The following ORC1 variants were observed in gnomAD, a reference collection of about 807,000 sequenced individuals.
The protein encoded by ORC1 is origin recognition complex subunit 1, also known as origin recognition complex, subunit 1 homolog.
Under a neutral mutation model 98.9 loss-of-function variants are expected in ORC1, and 61 were observed. The ratio of observed to expected loss-of-function variants is 0.62; its 90% CI spans 0.50 to 0.76. The LOEUF is 0.76. Among genes scored for constraint, ORC1 ranks in the 30% least tolerant of loss-of-function variants. The pLI is 0.00. For synonymous variants in ORC1, 385 were observed against 406.9 expected, an observed-to-expected ratio of 0.95 and a Z score of 0.65; for missense variants, 979 against 1,072.2, an observed-to-expected ratio of 0.91 and a Z score of 1.21.
In ORC1 at chr1:52,382,720, C is replaced by G. The variant is rs562289515; in HGVS notation, c.2013+700G>C. 1.3e-4 allele frequency among the ~76,000 whole-genome samples: 19 copies of G among 151,768 alleles called. No homozygotes were observed. In the East Asian group the frequency reaches 3.5e-3, roughly 28 times the overall value. ...TCAGCCTCCCGAGTAGCTGGGATTA[C>G]AGGCATGCGTCACCACACCTGGCTA... On this transcript the variant is annotated intron_variant, in intron 13 of 16. Coordinates refer to ENST00000371568, the MANE Select transcript of ORC1 (RefSeq NM_004153.4).
upstream of ORC1, chr1:52,408,917 A>G (rs1648073443): frequency 4.7e-6 from 2 of 428,048 alleles, no homozygotes; most frequent in Non-Finnish European, 8.4e-6. Context: ...TTCCAAGTGC[A>G]TCTTATGTTA....
intron 11 of ORC1, 79 bp from the exon 12 acceptor site, chr1:52,384,016 G>A (rs999500576): frequency 5.1e-6 from 6 of 1,181,854 alleles, no homozygotes; most frequent in Non-Finnish European, 7.6e-6. Context: ...TGCAAATGGA[G>A]GGAGGCATTT....
chr1:52,407,608 T>C (rs187220112), upstream of ORC1, among the ~76,000 whole-genome samples: 1 of 152,354 alleles, frequency 6.6e-6, no homozygotes, highest in East Asian at 1.9e-4. Context: ...TTATTAAATA[T>C]ATCTTCTTTC....
intron 8 of ORC1, 146 bp from the exon 9 acceptor site, chr1:52,386,095 C>CCA (rs1647139901): frequency 1.4e-6 from 1 of 708,870 alleles, no homozygotes; most frequent in Non-Finnish European, 2.6e-6. Context: ...AGGACCATGA[C>CCA]TCTCCCTCTC....
At position 52,373,321 on chromosome 1, in the gene ORC1, T is replaced by G; in HGVS notation, c.2446A>C (p.Met816Leu). 14 of 1,614,142 alleles carry G rather than the reference T, an allele frequency of 8.7e-6. No individual in the cohort carries two copies. Among genetic ancestry groups the G allele is most frequent in the Non-Finnish European group, 1.2e-5 (14 of 1,180,012 alleles). The change falls in exon 17 of 17, where the codon ATG becomes CTG. Residue 816 changes from methionine to leucine, a missense_variant. Met to Leu is a conservative substitution (Grantham distance 15). Coordinates refer to ENST00000371568, the MANE Select transcript of ORC1 (RefSeq NM_004153.4). ...CRMEGLPYPT[M>L]SETMAVCSHL... ...GAACACACGGCCATGGTCTCTGACA[T>G]GGTGGGGTACGGCAGTCCCTCCATT...
At chr1:52,375,999 A>G (rs1646990808) in intron 14 of ORC1, among the ~76,000 whole-genome samples, 1 of 152,190 alleles carries the variant, frequency 6.6e-6, no homozygotes, top group Non-Finnish European at 1.5e-5. Context: ...CTGGAGATAA[A>G]GCCATAGCCA....
At chr1:52,383,274 C>T (rs1647095572) in intron 13 of ORC1, 146 bp downstream of exon 13, 4 of 846,242 alleles carry the variant, frequency 4.7e-6, no homozygotes, top group African/African-American at 1.7e-5. Flanking sequence ...GTCTTGAACT[C>T]CTGACCTCAA....
At chr1:52,391,338 T>C (rs1311768059) in intron 6 of ORC1, among the ~76,000 whole-genome samples, 1 of 145,812 alleles carries the variant, frequency 6.9e-6, no homozygotes, top group African/African-American at 2.5e-5. Flanking sequence ...AAAATCTAGA[T>C]GATAACATTG....
At chr1:52,400,037 C>T (rs1647629649) in intron 3 of ORC1, among the ~76,000 whole-genome samples, 1 of 152,178 alleles carries the variant, frequency 6.6e-6, no homozygotes, top group African/African-American at 2.4e-5. Flanking sequence ...CAATGGAGCA[C>T]CAAGAGAGGA....
Position 52,384,557 on chromosome 1 carries a change from A to C in ORC1, c.1748T>G (p.Ile583Ser). Reference sequence around the variant, plus strand: ...CTAAACAGCTCTGCTTACCTGCAAGATTTGCACATAGACTTGGTGGGGCTC... The same window carrying C: ...CTAAACAGCTCTGCTTACCTGCAAGCTTTGCACATAGACTTGGTGGGGCTC... The part of the protein sequence containing the change: ...LTEPHQVYVQ[I>S]LQKLTGQKAT... The change falls in exon 11 of 17, where the codon ATC becomes AGC. Residue 583 changes from isoleucine (I) to serine (S), a missense_variant. By Grantham distance (142) the Ile-to-Ser change is moderately radical (BLOSUM62 -2). Transcript: ENST00000371568. 6.2e-7 allele frequency: 1 copy of C among 1,614,076 alleles called. No homozygotes were observed.
At position 52,373,247 on chromosome 1, in the gene ORC1, A is replaced by G. The variant is rs1031380978; in HGVS notation, c.2520T>C (p.Asp840=). 1.2e-6 allele frequency: 2 copies of G among 1,614,104 alleles called. No individual in the cohort carries two copies. Among genetic ancestry groups the G allele is most frequent in the African/African-American group, 1.3e-5 (1 of 74,944 alleles). The part of the protein sequence containing the change: ...RLLLVEPSRN[D]LLLRVRLNVS... Reference sequence around the variant, plus strand: ...CGTTGAGCCGCACCCGAAGGAGCAGATCGTTCCTGCTGGGCTCCACAAGCA... The same window carrying G: ...CGTTGAGCCGCACCCGAAGGAGCAGGTCGTTCCTGCTGGGCTCCACAAGCA... The change falls in exon 17 of 17, where the codon GAT becomes GAC. Residue 840 remains aspartate, a synonymous_variant. Coordinates refer to ENST00000371568, the MANE Select transcript of ORC1 (RefSeq NM_004153.4).
At chr1:52,385,368 AC>A in intron 9 of ORC1, 106 bp from the exon 10 acceptor site, 1 of 843,966 alleles carries the variant, frequency 1.2e-6, no homozygotes, top group East Asian at 2.4e-5. Context: ...CTATGTTTCT[AC>A]CTGAAAACTC....
chr1:52,379,575 T>C (rs1196661864), intron 14 of ORC1, among the ~76,000 whole-genome samples: 1 of 151,988 alleles, frequency 6.6e-6, no homozygotes, highest in Non-Finnish European at 1.5e-5. Flanking sequence ...TGGTTGAAAG[T>C]TAAAAAAAGT....
chr1:52,378,274 G>A (rs1286136056), intron 14 of ORC1, among the ~76,000 whole-genome samples: 1 of 151,860 alleles, frequency 6.6e-6, no homozygotes, highest in Non-Finnish European at 1.5e-5. Flanking sequence ...GAACCCACGA[G>A]GCAGAGGTTG....
Position 52,384,674 on chromosome 1 carries a change from A to G in ORC1, c.1631T>C (p.Val544Ala). ...CTGCAGGCAGCGTATCACTTCATGA[A>G]CAGTGGCAGTCTTCCCTGTCCCAGG... ...GVPGTGKTAT[V>A]HEVIRCLQQA... Residue 544 changes from valine to alanine, a missense_variant, in exon 11 of 17, where the codon GTT becomes GCT. Coordinates refer to ENST00000371568, the MANE Select transcript of ORC1 (RefSeq NM_004153.4). The G allele has an allele frequency of 6.2e-7, 1 of 1,614,046 alleles. No individual in the cohort carries two copies.
intron 14 of ORC1, among the ~76,000 whole-genome samples, chr1:52,379,139 G>A (rs1647030469): frequency 6.6e-6 from 1 of 152,066 alleles, no homozygotes; most frequent in Non-Finnish European, 1.5e-5. Context: ...CTATATTGAG[G>A]AATCCAAGAA....
At chr1:52,404,577 G>T, upstream of ORC1, 1 of 591,400 alleles carries the variant, frequency 1.7e-6, no homozygotes. Flanking sequence ...GATTCGATAG[G>T]CGACGCGGGG....
In ORC1 at chr1:52,373,128, T is replaced by A. The variant is rs1322746212; in HGVS notation, c.*53A>T. ...GCCTGGGCGACAGAGCAAGACCCTG[T>A]CTCAAAAAACAAAACCCAGCAAGAC... On this transcript the variant is annotated 3_prime_UTR_variant, in exon 17 of 17. Coordinates refer to ENST00000371568, the MANE Select transcript of ORC1 (RefSeq NM_004153.4). 1.3e-6 allele frequency: 2 copies of A among 1,572,250 alleles called. No homozygotes were observed. Among genetic ancestry groups the A allele is most frequent in the East Asian group, 4.5e-5 (2 of 44,676 alleles).
At chr1:52,396,976 T>C (rs1477984703) in intron 4 of ORC1, among the ~76,000 whole-genome samples, 4 of 152,234 alleles carry the variant, frequency 2.6e-5, no homozygotes, top group Non-Finnish European at 5.9e-5. Flanking sequence ...ACTGTGCTCC[T>C]GCCCAGATGC....
Sources: gnomAD v4.1 joint callset for allele counts (sites outside exome capture counted in the v4.1 genomes callset) on GRCh38, gnomAD v4.1.1 for gene constraint, MANE v1.5 for transcripts, NCBI Gene and HGNC (gene_info 2026-07-23, HGNC 2026-07-21) for gene names.